The following PES1 variants were observed in gnomAD, a reference collection of about 807,000 sequenced individuals.
PES1 encodes pescadillo ribosomal biogenesis factor 1, also known as pescadillo homolog.
A neutral mutation model predicts 77.1 loss-of-function variants in PES1; 31 were observed. That is an observed-to-expected ratio of 0.40 (90% confidence interval 0.30 to 0.54). The LOEUF (loss-of-function observed/expected upper bound fraction) is 0.54. Among genes scored for constraint, PES1 ranks in the 20% least tolerant of loss-of-function variants. PES1 has a pLI of 0.45. For missense variants in PES1, 658 were observed against 771.7 expected (o/e 0.85, Z 1.75); for synonymous variants, 282 against 303.0 (o/e 0.93, Z 0.72).
rs1387620308 is a variant in PES1 at position 30,579,833 on chromosome 22, T to C, written c.1272A>G (p.Ser424=). ...FSGVQLPPHL[S]PFVTEKEGDY... is the part of the protein sequence containing the mutation. ...CTCCTTCCTTCTCGGTCACAAAGGG[T>C]GAAAGGTGTGGGGGCAGCTGCACCC... Residue 424 remains serine (S), a synonymous_variant, in exon 12 of 15, where the codon TCA becomes TCG. Transcript: ENST00000354694. 1.2e-6 allele frequency: 2 copies of C among 1,613,366 alleles called. No homozygotes were observed. The highest frequency in any genetic ancestry group is 1.7e-6 in the Non-Finnish European group (2 of 1,179,896).
intron 2 of PES1, among the ~76,000 whole-genome samples, chr22:30,598,894 T>A (rs973510256): frequency 5.5e-5 from 4 of 73,030 alleles, no homozygotes; most frequent in Admixed American, 4.7e-4. Flanking sequence ...AATTTTTTTT[T>A]TTTTTTTTTT....
At position 30,579,141 on chromosome 22, in the gene PES1, C is replaced by T. The variant is rs1255585097; in HGVS notation, c.1517G>A (p.Gly506Glu). ...CCGCATTGCAGCTCCCCCTACCTTC[C>T]CCTCCATCCTCTGCTCTTCCAGGGC... ...LAALEEQRME[G>E]KKPRVMAGTL... is the part of the protein sequence containing the mutation. Residue 506 changes from glycine (G) to glutamate (E), a missense_variant, in exon 13 of 15, where the codon GGG becomes GAG. By Grantham distance (98) the Gly-to-Glu change is moderately conservative. Coordinates refer to ENST00000354694, the MANE Select transcript of PES1 (RefSeq NM_014303.4). The T allele has an allele frequency of 1.4e-5, 23 of 1,608,824 alleles. No homozygotes were observed. Among genetic ancestry groups the T allele is most frequent in the Non-Finnish European group, 1.9e-5 (23 of 1,179,886 alleles).
intron 1 of PES1, among the ~76,000 whole-genome samples, chr22:30,591,198 C>A (rs1425798131): frequency 6.6e-6 from 1 of 152,154 alleles, no homozygotes; most frequent in Non-Finnish European, 1.5e-5. Context: ...AGCTTACAGG[C>A]CTTGCACGAT....
At chr22:30,579,635 T>A in intron 12 of PES1, 116 bp downstream of exon 12, 1 of 1,009,166 alleles carries the variant, frequency 9.9e-7, no homozygotes, top group Non-Finnish European at 1.5e-6. Context: ...TACAGGTGAC[T>A]TCAAAGGGCT....
At chr22:30,585,820 G>C (rs1386803148) in intron 4 of PES1, among the ~76,000 whole-genome samples, 3 of 151,998 alleles carry the variant, frequency 2.0e-5, no homozygotes, top group African/African-American at 2.4e-5. Context: ...TCCAGCCCCA[G>C]ATAGCATCAC....
chr22:30,601,939 AT>A, intron 2 of PES1: 1 of 151,714 alleles, frequency 6.6e-6, no homozygotes, highest in East Asian at 1.9e-4. Context: ...CACCCAGCTA[AT>A]TTTTGTATTT....
At chr22:30,579,115 C>T in intron 13 of PES1, 22 bp downstream of exon 13, 1 of 1,607,310 alleles carries the variant, frequency 6.2e-7, no homozygotes, top group Middle Eastern at 1.7e-4. Flanking sequence ...CAGGCCAAGC[C>T]CCGCATTGCA....
Position 30,576,991 on chromosome 22 carries a change from C to G in PES1, c.*55G>C, listed in dbSNP as rs2086909096. ...CACACTTAGGTCCTCTGGCCTGCCTCTGCCACATCCAGCTGCTAGGGGCTG... is the reference window on the plus strand; with the variant it reads ...CACACTTAGGTCCTCTGGCCTGCCTGTGCCACATCCAGCTGCTAGGGGCTG... On this transcript the variant is annotated 3_prime_UTR_variant, in exon 15 of 15. Coordinates refer to ENST00000354694, the MANE Select transcript of PES1 (RefSeq NM_014303.4). The G allele has an allele frequency of 2.1e-6, 3 of 1,459,674 alleles. No homozygotes were observed. Among genetic ancestry groups the G allele is most frequent in the Non-Finnish European group, 2.9e-6 (3 of 1,040,452 alleles). 90.4% of individuals were successfully genotyped at this position (1,459,674 alleles called of 1,614,324 possible). A position where few individuals can be genotyped will look rare whatever the true frequency, so the allele number is the denominator to read the frequency against.
At chr22:30,578,267 G>A (rs1469099753) in intron 14 of PES1, among the ~76,000 whole-genome samples, 2 of 152,146 alleles carry the variant, frequency 1.3e-5, no homozygotes, top group East Asian at 3.8e-4. Flanking sequence ...GGGTGACAGA[G>A]GAAGACTCTG....
chr22:30,605,361 C>A, intron 2 of PES1: 1 of 590,062 alleles, frequency 1.7e-6, no homozygotes, highest in African/African-American at 2.0e-5. Context: ...GCACTGAGTC[C>A]AGGTAGGTAG....
intron 6 of PES1, 35 bp downstream of exon 6, chr22:30,584,330 G>T: frequency 6.7e-7 from 1 of 1,494,722 alleles, no homozygotes; most frequent in East Asian, 2.4e-5. Flanking sequence ...CTAGGAGGCA[G>T]CACAAGCCCG....
intron 8 of PES1, 46 bp downstream of exon 8, chr22:30,581,288 A>C (rs1231758251): frequency 6.3e-7 from 1 of 1,589,234 alleles, no homozygotes; most frequent in African/African-American, 1.3e-5. Flanking sequence ...GGGGACAGAG[A>C]CCACTCCCTT....
At chr22:30,595,481 T>C (rs1285574506), upstream of PES1, among the ~76,000 whole-genome samples, 1 of 140,484 alleles carries the variant, frequency 7.1e-6, no homozygotes. Context: ...GAGGTTGCAG[T>C]GAGCCAAGAT....
chr22:30,603,318 T>A lies in PES1; in HGVS notation c.-661+2143A>T. On this transcript the variant is annotated intron_variant, in intron 2 of 16. Transcript: ENST00000402281. ...AATGCTCTAGTTGATGGGATTTTTT[T>A]ATGATTTTATCTTTGCTTTCTCCTC... is the stretch of plus-strand genomic sequence containing the variant. Among the ~76,000 whole-genome samples the A allele has an allele frequency of 1.3e-5, 2 of 152,172 alleles. 1 individual carries two copies. Among genetic ancestry groups the A allele is most frequent in the Admixed American group, 1.3e-4 (2 of 15,268 alleles).
rs529050387 is a variant in PES1, at chr22:30,600,504, G to A, written c.-661+4957C>T. ...TCGAGACCAGCCTGGGCAAAAAAGCGAGGTCCTGTCTCTATTAAATATAAA... is the reference window on the plus strand; with the variant it reads ...TCGAGACCAGCCTGGGCAAAAAAGCAAGGTCCTGTCTCTATTAAATATAAA... On this transcript the variant is annotated intron_variant, in intron 2 of 16. Coordinates refer to the PES1 transcript ENST00000402281. Among the ~76,000 whole-genome samples the A allele has an allele frequency of 1.2e-3, 182 of 151,954 alleles. 1 individual carries two copies. Among genetic ancestry groups the A allele is most frequent in the African/African-American group, 3.9e-3 (163 of 41,450 alleles).
chr22:30,596,734 C>T (rs2087257600), upstream of PES1, among the ~76,000 whole-genome samples: 1 of 152,230 alleles, frequency 6.6e-6, no homozygotes, highest in Admixed American at 6.5e-5. Flanking sequence ...TCAGTGCCTC[C>T]TCGGCCTCGG....
intron 2 of PES1, among the ~76,000 whole-genome samples, chr22:30,602,988 G>T (rs897888961): frequency 6.6e-6 from 1 of 152,084 alleles, no homozygotes; most frequent in Non-Finnish European, 1.5e-5. Flanking sequence ...TTGGCTCACT[G>T]CAACCTCTAC....
intron 14 of PES1, among the ~76,000 whole-genome samples, chr22:30,578,389 A>C (rs1208765550): frequency 6.6e-6 from 1 of 152,198 alleles, no homozygotes; most frequent in African/African-American, 2.4e-5. Flanking sequence ...GCTCTATTCC[A>C]AGGGCAGGGC....
chr22:30,601,510 A>G (rs1306853728), intron 2 of PES1, among the ~76,000 whole-genome samples: 1 of 143,108 alleles, frequency 7.0e-6, no homozygotes, highest in Non-Finnish European at 1.5e-5. Context: ...ACAGGGTTTC[A>G]CTATGTTGGC....
Sources: gnomAD v4.1 joint callset for allele counts (sites outside exome capture counted in the v4.1 genomes callset) on GRCh38, gnomAD v4.1.1 for gene constraint, MANE v1.5 for transcripts, NCBI Gene and HGNC (gene_info 2026-07-23, HGNC 2026-07-21) for gene names.